SCOC: variants seen among roughly 807,000 people sequenced by gnomAD.
The protein encoded by SCOC is short coiled-coil protein, also known as short coiled coil protein.
SCOC carries 7 observed loss-of-function variants against 9.9 expected under a neutral mutation model. The ratio of observed to expected loss-of-function variants is 0.71; its 90% CI spans 0.40 to 1.33. SCOC has a LOEUF of 1.33. Among genes scored for constraint, SCOC ranks in the 40% most tolerant of loss-of-function variants. The probability of loss-of-function intolerance (pLI) is 0.01; values close to 1 mark genes in which losing one functional copy is unlikely to be tolerated. For synonymous variants in SCOC, 19 were observed against 28.2 expected, an observed-to-expected ratio of 0.67 and a Z score of 1.03; for missense variants, 66 against 89.7, an observed-to-expected ratio of 0.74 and a Z score of 1.07.
intron 2 of SCOC, among the ~76,000 whole-genome samples, chr4:140,354,903 CA>C (rs1727144339): frequency 6.6e-6 from 1 of 152,012 alleles, no homozygotes; most frequent in African/African-American, 2.4e-5. Context: ...AACCCGTCAT[CA>C]CTCATCACAA....
At chr4:140,268,256 T>A (rs955677752) in intron 1 of SCOC, among the ~76,000 whole-genome samples, 1 of 152,186 alleles carries the variant, frequency 6.6e-6, no homozygotes, top group African/African-American at 2.4e-5. Flanking sequence ...ATATAACGTT[T>A]GTATCTTGTG....
intron 1 of SCOC, among the ~76,000 whole-genome samples, chr4:140,270,980 C>T (rs1031952235): frequency 6.6e-6 from 1 of 152,196 alleles, no homozygotes; most frequent in African/African-American, 2.4e-5. Flanking sequence ...AAACCATGCT[C>T]TTACCAATGT....
chr4:140,289,025 C>T (rs1731389401), intron 1 of SCOC, among the ~76,000 whole-genome samples: 1 of 152,130 alleles, frequency 6.6e-6, no homozygotes, highest in Non-Finnish European at 1.5e-5. Flanking sequence ...ATGACACACA[C>T]ACTCACTACT....
intron 1 of SCOC, among the ~76,000 whole-genome samples, chr4:140,272,937 G>C (rs2126404627): frequency 6.6e-6 from 1 of 152,290 alleles, no homozygotes; most frequent in Non-Finnish European, 1.5e-5. Context: ...TCCATTCAGT[G>C]CCTTTCAAAT....
intron 1 of SCOC, among the ~76,000 whole-genome samples, chr4:140,269,213 G>C (rs185719722): frequency 5.1e-4 from 77 of 152,314 alleles, no homozygotes; most frequent in Non-Finnish European, 8.1e-4. Context: ...CTCCTCCTAT[G>C]AAAATGAGGG....
chr4:140,275,780 A>G (rs2126408294), intron 1 of SCOC, among the ~76,000 whole-genome samples: 1 of 149,728 alleles, frequency 6.7e-6, no homozygotes, highest in Admixed American at 6.7e-5. Flanking sequence ...TAGGGAGGGT[A>G]CCCAACTTAT....
At chr4:140,262,432 T>C (rs1041613805) in intron 1 of SCOC, among the ~76,000 whole-genome samples, 150 of 152,314 alleles carry the variant, frequency 9.8e-4, no homozygotes, top group African/African-American at 3.5e-3. Context: ...GTTGAAGACC[T>C]CCTATCTTTG....
intron 1 of SCOC, among the ~76,000 whole-genome samples, chr4:140,269,450 G>A (rs1227281976): frequency 6.6e-6 from 1 of 152,038 alleles, no homozygotes; most frequent in Non-Finnish European, 1.5e-5. Context: ...AGGTCACATG[G>A]AGGAGCTCCA....
rs12505010 is a variant in SCOC at position 140,315,521 on chromosome 4, T to G, written c.-18-28100T>G. ...CCAGTGTGCTATACTAAAAGCAAAC[T>G]CTGAAAAACACATCTCATCCAATTT... On this transcript the variant is annotated intron_variant, in intron 1 of 4. Transcript: ENST00000394205. Among the ~76,000 whole-genome samples, 398 of 152,328 alleles carry G rather than the reference T, an allele frequency of 2.6e-3. 2 individuals carry two copies. Among genetic ancestry groups the G allele is most frequent in the Admixed American group, 4.1e-3 (62 of 15,304 alleles).
At chr4:140,347,892 A>G (rs924506991) in intron 2 of SCOC, among the ~76,000 whole-genome samples, 7 of 152,140 alleles carry the variant, frequency 4.6e-5, no homozygotes, top group Non-Finnish European at 8.8e-5. Flanking sequence ...TCTTTCAAGG[A>G]CATGCTTTGT....
At chr4:140,361,146 T>C (rs1417704047) in intron 2 of SCOC, among the ~76,000 whole-genome samples, 1 of 152,076 alleles carries the variant, frequency 6.6e-6, no homozygotes, top group Non-Finnish European at 1.5e-5. Context: ...CAGATTTTCT[T>C]ATTTTATCTT....
intron 2 of SCOC, chr4:140,362,627 T>C (rs1727620878): frequency 6.6e-6 from 1 of 151,972 alleles, no homozygotes; most frequent in Non-Finnish European, 1.5e-5. Flanking sequence ...TTTGGTCAAA[T>C]AGTGGAAAAG....
At chr4:140,370,395 AG>A, upstream of SCOC, among the ~76,000 whole-genome samples, 2 of 152,216 alleles carry the variant, frequency 1.3e-5, 1 homozygote, top group Non-Finnish European at 2.9e-5. Context: ...AGGATTGTTC[AG>A]GTCTTCTATA....
At chr4:140,287,604 T>A (rs1382502367) in intron 1 of SCOC, among the ~76,000 whole-genome samples, 2 of 151,640 alleles carry the variant, frequency 1.3e-5, no homozygotes, top group Non-Finnish European at 2.9e-5. Flanking sequence ...CACACATATG[T>A]ACACACACTA....
chr4:140,351,134 G>A (rs1350943413), intron 2 of SCOC, among the ~76,000 whole-genome samples: 1 of 151,656 alleles, frequency 6.6e-6, no homozygotes, highest in East Asian at 1.9e-4. Flanking sequence ...AGGTTGCAGT[G>A]AGCCGAGATC....
chr4:140,332,239 T>A, intron 1 of SCOC, among the ~76,000 whole-genome samples: 1 of 152,016 alleles, frequency 6.6e-6, no homozygotes, highest in East Asian at 1.9e-4. Flanking sequence ...AAGCATCTCA[T>A]ACGAGACATG....
chr4:140,332,844 T>C (rs1358012111), intron 1 of SCOC, among the ~76,000 whole-genome samples: 2 of 152,164 alleles, frequency 1.3e-5, no homozygotes. Flanking sequence ...AATAGTCTTC[T>C]AAACTCACTT....
chr4:140,354,147 C>T (rs1727105650), intron 2 of SCOC, among the ~76,000 whole-genome samples: 1 of 152,148 alleles, frequency 6.6e-6, no homozygotes, highest in Non-Finnish European at 1.5e-5. Flanking sequence ...TTGCTTTCAT[C>T]TTCATTTGTG....
chr4:140,376,006 T>C (rs1020257533), intron 1 of SCOC, among the ~76,000 whole-genome samples: 1 of 152,052 alleles, frequency 6.6e-6, no homozygotes, highest in African/African-American at 2.4e-5. Flanking sequence ...GCAGAAGGAG[T>C]TGAAAGTGAA....
Sources: gnomAD v4.1 joint callset for allele counts (sites outside exome capture counted in the v4.1 genomes callset) on GRCh38, gnomAD v4.1.1 for gene constraint, MANE v1.5 for transcripts, NCBI Gene and HGNC (gene_info 2026-07-23, HGNC 2026-07-21) for gene names.